GOLGA2: variants seen among roughly 807,000 people sequenced by gnomAD.
The protein encoded by GOLGA2 is golgin A2, also known as golgin subfamily A member 2.
In GOLGA2, 49 loss-of-function variants were observed where a neutral mutation model predicts 148.8. The ratio of observed to expected loss-of-function variants is 0.33; its 90% CI spans 0.26 to 0.42. The LOEUF (loss-of-function observed/expected upper bound fraction) is 0.42. GOLGA2 is among the 10% of genes least tolerant of loss of function. The pLI is 1.00. For missense variants in GOLGA2, 1,178 were observed against 1,304.6 expected (o/e 0.90, Z 1.49); for synonymous variants, 501 against 511.8 (o/e 0.98, Z 0.28).
At position 128,260,735 on chromosome 9, in the gene GOLGA2, A is replaced by G; in HGVS notation, c.1488T>C (p.Ala496=). ...CCTCCAGCTCCTTCCGCAGGTGCTC[A>G]GCCTCCGCTTGTAGCTGCTGCTCCA... The part of the protein sequence containing the change: ...SEVEQQLQAE[A]EHLRKELEGL... The change falls in exon 18 of 27, where the codon GCT becomes GCC. Residue 496 remains alanine, a synonymous_variant. Coordinates refer to ENST00000611957, the MANE Select transcript of GOLGA2 (RefSeq NM_001366244.2). This position sits in a 1 kb window ranked among gnomAD's most constrained non-coding sequence, Gnocchi z 4.8. The G allele has an allele frequency of 6.2e-7, 1 of 1,613,190 alleles. No homozygotes were observed. Among genetic ancestry groups the G allele is most frequent in the South Asian group, 1.1e-5 (1 of 91,058 alleles).
chr9:128,265,361 T>C (rs1384402058), intron 12 of GOLGA2, among the ~76,000 whole-genome samples: 2 of 152,162 alleles, frequency 1.3e-5, no homozygotes, highest in East Asian at 3.8e-4. Flanking sequence ...GCACTTGGCC[T>C]CCGAGCTCTG....
At position 128,272,662 on chromosome 9, in the gene GOLGA2, C is replaced by T. The variant is rs189802699; in HGVS notation, c.288+123G>A. ...AGGTGAAGAAGCGGACATAAACAGG[C>T]GGAAGGTTAATGGCAGCAACATAAA... On this transcript the variant is annotated intron_variant, in intron 3 of 26. Transcript: ENST00000611957. The T allele has an allele frequency of 7.1e-4, 175 of 246,284 alleles. 3 individuals carry two copies. The highest frequency in any genetic ancestry group is 4.9e-3 in the South Asian group (135 of 27,830). The allele number at this position is 246,284 out of a possible 1,614,324, so 15.3% of individuals were successfully genotyped here.
intron 3 of GOLGA2, among the ~76,000 whole-genome samples, chr9:128,272,439 G>T (rs1044548304): frequency 6.6e-6 from 1 of 151,376 alleles, no homozygotes; most frequent in Non-Finnish European, 1.5e-5. Flanking sequence ...AGCCAAGATT[G>T]TGCCACTGCA....
At position 128,257,185 on chromosome 9, in the gene GOLGA2, A is replaced by G; in HGVS notation, c.2972T>C (p.Met991Thr). Residue 991 changes from methionine to threonine, a missense_variant, in exon 27 of 27, where the codon ATG becomes ACG. Physicochemically the swap from Met to Thr is moderately conservative, Grantham distance 81. Transcript: ENST00000611957. This position sits in a 1 kb window ranked among gnomAD's most constrained non-coding sequence, Gnocchi z 8.0. The stretch of plus-strand genomic sequence containing the variant: ...GTTCTGCATCTCACGAAGCAGCTGC[A>G]TGATCTGCTGTGCAGTGGGGTTGTC... ...PRDNPTAQQIMQLLREMQNPR... is the reference protein window; with the variant it reads ...PRDNPTAQQITQLLREMQNPR... The G allele has an allele frequency of 6.2e-7, 1 of 1,613,970 alleles. No homozygotes were observed.
rs756345798 is a variant in GOLGA2 at position 128,265,772 on chromosome 9, G to T, written c.826+16C>A. ...AAGTGCCAGGTTGAAGGATGATGGGGTGCCCAGATTCCCACCTTCTTTCTG... is the reference window on the plus strand; with the variant it reads ...AAGTGCCAGGTTGAAGGATGATGGGTTGCCCAGATTCCCACCTTCTTTCTG... On this transcript the variant is annotated intron_variant, in intron 11 of 26. Transcript: ENST00000611957. 3 of 1,611,804 alleles carry T rather than the reference G, an allele frequency of 1.9e-6. No individual in the cohort carries two copies. The Admixed American group carries it at 5.0e-5, about 27-fold the overall frequency.
chr9:128,269,323 A>T (rs1830788887), intron 3 of GOLGA2, among the ~76,000 whole-genome samples: 1 of 150,986 alleles, frequency 6.6e-6, no homozygotes, highest in African/African-American at 2.4e-5. Flanking sequence ...ACTCTCTCCA[A>T]CTCTCTGGAG....
chr9:128,260,913 C>G lies in GOLGA2; in HGVS notation c.1421-111G>C. The stretch of plus-strand genomic sequence containing the variant: ...CTTGGCCTCCCTGCTGATGATTCCT[C>G]GCACCCGGATGTTAGCCAATCTTCC... On this transcript the variant is annotated intron_variant, in intron 17 of 26. Coordinates refer to ENST00000611957, the MANE Select transcript of GOLGA2 (RefSeq NM_001366244.2). This position sits in a 1 kb window ranked among gnomAD's most constrained non-coding sequence, Gnocchi z 4.8. The G allele has an allele frequency of 1.3e-6, 1 of 767,814 alleles. No homozygotes were observed. The highest frequency in any genetic ancestry group is 2.1e-6 in the Non-Finnish European group (1 of 477,756). 47.6% of individuals were successfully genotyped at this position (767,814 alleles called of 1,614,324 possible).
At position 128,275,964 on chromosome 9, in the gene GOLGA2, GT is replaced by G. The variant is rs759682914; in HGVS notation, c.12del (p.Gln4HisfsTer26). On this transcript the variant is annotated frameshift_variant, in exon 1 of 27. Transcript: ENST00000611957. LOFTEE classifies it high-confidence loss of function. ...ATCGCGGGGCGGGGAGGGAGGCGGG[GT>G]TGGGGCCACATCAGCGCGATCCCGG... MWP[Q>X]PRLPPRPAMS... The G allele has an allele frequency of 1.3e-6, 2 of 1,596,208 alleles. No homozygotes were observed. Among genetic ancestry groups the G allele is most frequent in the Non-Finnish European group, 1.7e-6 (2 of 1,171,178 alleles).
Position 128,263,029 on chromosome 9 carries a change from CCTA to C in GOLGA2, c.992+2_992+4del. The C allele has an allele frequency of 6.3e-7, 1 of 1,594,588 alleles. No individual in the cohort carries two copies. ...GACCTCCCATCCCACCATCCCCCAT[CCTA>C]CGTGTTCTTGTATAACTCCAGCCTG... On this transcript the variant is annotated splice_donor_variant and splice_donor_region_variant and intron_variant, in intron 13 of 26. Transcript: ENST00000611957. LOFTEE classifies it high-confidence loss of function.
chr9:128,260,953 T>C lies in GOLGA2; in HGVS notation c.1421-151A>G, dbSNP rs573300753. 3.6e-5 allele frequency: 24 copies of C among 675,992 alleles called. No individual in the cohort carries two copies. The highest frequency in any genetic ancestry group is 2.9e-4 in the African/African-American group (16 of 55,296). The allele number at this position is 675,992 out of a possible 1,614,324, so 41.9% of individuals were successfully genotyped here. On this transcript the variant is annotated intron_variant, in intron 17 of 26. Transcript: ENST00000611957. The surrounding 1 kb of genome is among the most constrained non-coding windows in gnomAD (Gnocchi z 4.8). ...GCCAATCTTCCAAACCACTTTCCGA[T>C]AGCGACAACTGTGGGTGGCTGACAA...
Position 128,258,369 on chromosome 9 carries a change from A to G in GOLGA2, c.2289+86T>C, listed in dbSNP as rs921609953. ...AGGGGTGAGGGTCCGAAGAAATCAG[A>G]AGGCCGGGAAACCAAGAGCAGAAGG... On this transcript the variant is annotated intron_variant, in intron 22 of 26. Transcript: ENST00000611957. This position sits in a 1 kb window ranked among gnomAD's most constrained non-coding sequence, Gnocchi z 6.6. 6 of 1,319,256 alleles carry G rather than the reference A, an allele frequency of 4.5e-6. No individual in the cohort carries two copies. The African/African-American group carries it at 8.7e-5, about 19-fold the overall frequency. The allele number at this position is 1,319,256 out of a possible 1,614,324, so 81.7% of individuals were successfully genotyped here.
At position 128,266,395 on chromosome 9, in the gene GOLGA2, G is replaced by T. The variant is rs1485812078; in HGVS notation, c.643-70C>A. ...AACTCTATTCCCCAGACCAGGAACGGGTAGGCAGGGGCCAGGAATGGATTT... is the reference window on the plus strand; with the variant it reads ...AACTCTATTCCCCAGACCAGGAACGTGTAGGCAGGGGCCAGGAATGGATTT... On this transcript the variant is annotated intron_variant, in intron 8 of 26. Coordinates refer to ENST00000611957, the MANE Select transcript of GOLGA2 (RefSeq NM_001366244.2). The surrounding 1 kb of genome is among the most constrained non-coding windows in gnomAD (Gnocchi z 4.2). 4.5e-6 allele frequency: 6 copies of T among 1,337,628 alleles called. No homozygotes were observed. Among genetic ancestry groups the T allele is most frequent in the Non-Finnish European group, 5.3e-6 (5 of 935,294 alleles). The allele number at this position is 1,337,628 out of a possible 1,614,324, so 82.9% of individuals were successfully genotyped here.
At chr9:128,262,778 C>T (rs1830351846) in intron 13 of GOLGA2, 74 bp from the exon 14 acceptor site, 1 of 1,398,466 alleles carries the variant, frequency 7.2e-7, no homozygotes, top group Admixed American at 1.8e-5. Context: ...ACCCTCTACC[C>T]TTGCCCCACA....
intron 3 of GOLGA2, among the ~76,000 whole-genome samples, chr9:128,270,343 G>T (rs1336233243): frequency 2.0e-5 from 3 of 152,074 alleles, no homozygotes; most frequent in Admixed American, 6.5e-5. Context: ...TGTTGGCCAG[G>T]CTGCTCTCGA....
intron 2 of GOLGA2, 63 bp from the exon 3 acceptor site, chr9:128,272,928 AG>A (rs1831050187): frequency 1.8e-6 from 1 of 548,056 alleles, no homozygotes; most frequent in Admixed American, 2.9e-5. Flanking sequence ...GCTTAGAGAG[AG>A]GCAAGAAAGT....
chr9:128,273,840 C>T lies in GOLGA2; in HGVS notation c.207+10G>A, dbSNP rs890378656. ...CCCTGTCCCCAGGAGCCTGGCCATC[C>T]AAGACTCACATCCTCAGGTGAGTGG... is the stretch of plus-strand genomic sequence containing the variant. On this transcript the variant is annotated intron_variant, in intron 2 of 26. Transcript: ENST00000611957. 1 of 1,613,864 alleles carries T rather than the reference C, an allele frequency of 6.2e-7. No homozygotes were observed. The highest frequency in any genetic ancestry group is 8.5e-7 in the Non-Finnish European group (1 of 1,179,832).
chr9:128,274,784 T>C (rs923195924), intron 1 of GOLGA2, among the ~76,000 whole-genome samples: 8 of 152,206 alleles, frequency 5.3e-5, no homozygotes, highest in African/African-American at 1.9e-4. Context: ...AGTACATTAA[T>C]GTTTTTTCTC....
At chr9:128,264,504 C>G (rs1376232324) in intron 12 of GOLGA2, among the ~76,000 whole-genome samples, 2 of 151,994 alleles carry the variant, frequency 1.3e-5, no homozygotes, top group African/African-American at 2.4e-5. Context: ...CTCAGCTCAC[C>G]GCAACTTCCG....
chr9:128,264,729 A>G (rs1410262120), intron 12 of GOLGA2, among the ~76,000 whole-genome samples: 2 of 152,152 alleles, frequency 1.3e-5, no homozygotes, highest in African/African-American at 4.8e-5. Flanking sequence ...CACCTGGCCA[A>G]GATCGAATTT....
Sources: gnomAD v4.1 joint callset for allele counts (sites outside exome capture counted in the v4.1 genomes callset) on GRCh38, gnomAD v4.1.1 for gene constraint, Gnocchi (gnomAD v3.1) non-coding constraint, MANE v1.5 for transcripts, NCBI Gene and HGNC (gene_info 2026-07-23, HGNC 2026-07-21) for gene names.